FALEC: variants seen among roughly 807,000 people sequenced by gnomAD.
FALEC encodes focally amplified lncRNA regulator of ECM1.
chr1:150,521,166 A>G (rs587741648), downstream of FALEC, among the ~76,000 whole-genome samples: 3 of 152,316 alleles, frequency 2.0e-5, no homozygotes, highest in Admixed American at 1.3e-4. Context: ...TGATAGATAC[A>G]TGAATTGTTT....
the FALEC span, among the ~76,000 whole-genome samples, chr1:150,525,881 A>G: frequency 3.9e-5 from 6 of 152,052 alleles, no homozygotes; most frequent in Non-Finnish European, 7.4e-5. Flanking sequence ...GCTTCAAGCA[A>G]TTCTCCCATT....
chr1:150,525,023 G>A, the FALEC span, among the ~76,000 whole-genome samples: 5 of 148,958 alleles, frequency 3.4e-5, no homozygotes, highest in Non-Finnish European at 5.9e-5. Context: ...AAGGCCTGGT[G>A]CAGTGGCTCA....
the FALEC span, among the ~76,000 whole-genome samples, chr1:150,529,267 C>A: frequency 1.3e-5 from 2 of 152,170 alleles, no homozygotes; most frequent in Non-Finnish European, 2.9e-5. Flanking sequence ...AGAAACCATA[C>A]GTGTGCATTG....
At chr1:150,535,990 T>C in the FALEC span, among the ~76,000 whole-genome samples, 2 of 152,210 alleles carry the variant, frequency 1.3e-5, no homozygotes, top group Non-Finnish European at 2.9e-5. Context: ...CCAAGATATG[T>C]AAGGCAAGCC....
At chr1:150,519,879 G>C (rs141687270), downstream of FALEC, among the ~76,000 whole-genome samples, 1 of 150,384 alleles carries the variant, frequency 6.6e-6, no homozygotes, top group Non-Finnish European at 1.5e-5. Flanking sequence ...ATAGGCTGGC[G>C]CAGTGGCTCA....
At chr1:150,528,198 C>CT in the FALEC span, among the ~76,000 whole-genome samples, 29 of 151,120 alleles carry the variant, frequency 1.9e-4, no homozygotes, top group Admixed American at 4.6e-4. Context: ...AGCCCTTTCT[C>CT]TTTTTTTTTG....
chr1:150,520,008 G>A (rs2101455082), downstream of FALEC, among the ~76,000 whole-genome samples: 1 of 152,250 alleles, frequency 6.6e-6, no homozygotes, highest in East Asian at 1.9e-4. Flanking sequence ...AATTAGCCGG[G>A]TGTGGTGGTG....
At chr1:150,531,894 C>T in the FALEC span, among the ~76,000 whole-genome samples, 1 of 152,192 alleles carries the variant, frequency 6.6e-6, no homozygotes, top group East Asian at 1.9e-4. Flanking sequence ...TGCCTGCCTT[C>T]GAAGCTCCGT....
the FALEC span, among the ~76,000 whole-genome samples, chr1:150,531,584 G>A: frequency 1.3e-5 from 2 of 152,124 alleles, no homozygotes; most frequent in Non-Finnish European, 2.9e-5. Flanking sequence ...TCTAAATCAG[G>A]CCTGCAAGAA....
the FALEC span, among the ~76,000 whole-genome samples, chr1:150,523,802 G>C: frequency 2.0e-5 from 3 of 152,098 alleles, no homozygotes; most frequent in Non-Finnish European, 2.9e-5. Flanking sequence ...AAGGCAGAAG[G>C]AACTTTGCAG....
chr1:150,533,492 G>A, the FALEC span, among the ~76,000 whole-genome samples: 1 of 141,464 alleles, frequency 7.1e-6, no homozygotes, highest in Non-Finnish European at 1.5e-5. Flanking sequence ...CTGGAGTGCA[G>A]TGGTGCAATC....
chr1:150,535,910 A>C, the FALEC span, among the ~76,000 whole-genome samples: 6 of 152,240 alleles, frequency 3.9e-5, no homozygotes, highest in Non-Finnish European at 7.3e-5. Context: ...AGGGGCTGAG[A>C]AGCAGCCACC....
the FALEC span, among the ~76,000 whole-genome samples, chr1:150,524,917 C>T: frequency 1.3e-5 from 2 of 151,036 alleles, no homozygotes; most frequent in Non-Finnish European, 2.9e-5. Flanking sequence ...ATCTCTTGAG[C>T]CCAGGAGTTT....
downstream of FALEC, among the ~76,000 whole-genome samples, chr1:150,519,191 C>T (rs1267997247): frequency 2.0e-5 from 3 of 152,200 alleles, no homozygotes; most frequent in African/African-American, 7.2e-5. Context: ...CACAGTGCTG[C>T]TTCCTGATGA....
chr1:150,517,296 C>CTAAA (rs1670579901), intron 1 of FALEC, among the ~76,000 whole-genome samples: 3 of 93,222 alleles, frequency 3.2e-5, no homozygotes, highest in Non-Finnish European at 6.2e-5. Context: ...GACTCCGTCT[C>CTAAA]AAAAAAAAAA....
downstream of FALEC, among the ~76,000 whole-genome samples, chr1:150,519,349 C>T (rs941585441): frequency 1.7e-4 from 26 of 152,268 alleles, no homozygotes; most frequent in African/African-American, 4.1e-4. Context: ...GGATATAATT[C>T]GCATACCATT....
At chr1:150,520,465 G>A (rs1056041712), downstream of FALEC, among the ~76,000 whole-genome samples, 1 of 152,022 alleles carries the variant, frequency 6.6e-6, no homozygotes. Context: ...TGTTTTCAAG[G>A]CTCATCCATG....
downstream of FALEC, among the ~76,000 whole-genome samples, chr1:150,519,872 G>C (rs1670616560): frequency 1.3e-5 from 2 of 150,300 alleles, no homozygotes; most frequent in Admixed American, 6.6e-5. Context: ...TAATAAAATA[G>C]GCTGGCGCAG....
the FALEC span, among the ~76,000 whole-genome samples, chr1:150,533,633 C>T: frequency 1.3e-5 from 2 of 151,938 alleles, no homozygotes; most frequent in Non-Finnish European, 2.9e-5. Context: ...GATGAGGTTT[C>T]GCCATGTTGG....
Sources: gnomAD v4.1 joint callset for allele counts (sites outside exome capture counted in the v4.1 genomes callset) on GRCh38, gnomAD v4.1.1 for gene constraint, MANE v1.5 for transcripts, NCBI Gene and HGNC (gene_info 2026-07-23, HGNC 2026-07-21) for gene names.